The following PCLAF variants were observed in gnomAD, a reference collection of about 807,000 sequenced individuals.
The protein encoded by PCLAF is PCNA-associated factor.
In PCLAF, 12 loss-of-function variants were observed where a neutral mutation model predicts 15.1. The ratio of observed to expected loss-of-function variants is 0.79; its 90% confidence interval spans 0.51 to 1.29. The LOEUF (loss-of-function observed/expected upper bound fraction) is 1.29, where lower values mean the gene tolerates loss of function less well. Ranked by LOEUF, PCLAF falls within the 50% of genes most tolerant of loss-of-function variation. PCLAF has a pLI of 0.00. For synonymous variants in PCLAF, 33 were observed against 47.1 expected, an observed-to-expected ratio of 0.70 and a Z score of 1.22; for missense variants, 116 against 130.9, an observed-to-expected ratio of 0.89 and a Z score of 0.56.
chr15:64,376,288 A>C (rs1899600126), intron 3 of PCLAF, among the ~76,000 whole-genome samples: 1 of 152,120 alleles, frequency 6.6e-6, no homozygotes, highest in African/African-American at 2.4e-5. Flanking sequence ...GAAGTTTTTA[A>C]AAACTTTTTT....
chr15:64,376,114 A>G (rs1266052796), intron 3 of PCLAF, among the ~76,000 whole-genome samples: 7 of 152,120 alleles, frequency 4.6e-5, no homozygotes, highest in Non-Finnish European at 1.5e-5. Flanking sequence ...AATCCCAGCT[A>G]CTTGGGAGGC....
In PCLAF at chr15:64,365,297, C is replaced by A. The variant is rs6494476; in HGVS notation, c.*733G>T. 1.3e-5 allele frequency: 2 copies of A among 152,398 alleles called. No individual in the cohort carries two copies. The highest frequency in any genetic ancestry group is 2.1e-4 in the South Asian group (1 of 4,834). The allele number at this position is 152,398 out of a possible 1,614,324, so 9.4% of individuals were successfully genotyped here. A position where few individuals can be genotyped will look rare whatever the true frequency, so the allele number is the denominator to read the frequency against. On this transcript the variant is annotated 3_prime_UTR_variant, in exon 4 of 4. Transcript: ENST00000300035. ...GATTACAGGCGTGAGCCACCGCACC[C>A]GGCTAAAAATTGTTTTAGAGATAGG... is the stretch of plus-strand genomic sequence containing the variant.
chr15:64,376,950 A>C, intron 2 of PCLAF, 45 bp from the exon 3 acceptor site: 1 of 1,492,952 alleles, frequency 6.7e-7, no homozygotes, highest in East Asian at 2.3e-5. Flanking sequence ...CTAATAATAC[A>C]ATCTCTATTC....
rs756014574 is a variant in PCLAF at position 64,366,113 on chromosome 15, T to C, written c.291-38A>G. On this transcript the variant is annotated intron_variant, in intron 3 of 3. Coordinates refer to ENST00000300035, the MANE Select transcript of PCLAF (RefSeq NM_014736.6). ...GAGAGAACATCAATAGCCATCCAAG[T>C]ATCAACTGTTTGAAAAAAATAGTTA... 15 of 1,537,878 alleles carry C rather than the reference T, an allele frequency of 9.8e-6. No homozygotes were observed. In the South Asian group the frequency reaches 1.2e-4, roughly 12 times the overall value.
In PCLAF at chr15:64,378,589, AC is replaced by A. The variant is rs113046469; in HGVS notation, c.128-1685del. Among the ~76,000 whole-genome samples the A allele has an allele frequency of 7.0e-3, 1,064 of 152,208 alleles. 12 individuals are homozygous for A. Among genetic ancestry groups the A allele is most frequent in the African/African-American group, 0.017 (717 of 41,534 alleles). ...TTTGGTTCACAGTTTTCCCAAAGGA[AC>A]CTTACAGGAATGCTTTTACTACTAG... On this transcript the variant is annotated intron_variant, in intron 2 of 3. Coordinates refer to ENST00000300035, the MANE Select transcript of PCLAF (RefSeq NM_014736.6).
At chr15:64,383,322 T>C (rs766385449), upstream of PCLAF, among the ~76,000 whole-genome samples, 1 of 152,046 alleles carries the variant, frequency 6.6e-6, no homozygotes, top group Non-Finnish European at 1.5e-5. Flanking sequence ...TTCCTTTGTT[T>C]TTTGTCCTCA....
Position 64,364,993 on chromosome 15 carries a change from A to ATTTTTTTTTTTTTTTT in PCLAF, c.*1021_*1036dup. On this transcript the variant is annotated 3_prime_UTR_variant, in exon 4 of 4. Coordinates refer to ENST00000300035, the MANE Select transcript of PCLAF (RefSeq NM_014736.6). ...GCCACTGCACTCAGCCTTTTTTAAAATTTTTTTTTTTTTTTTTTTTGAGAC... is the reference window on the plus strand; with the variant it reads ...GCCACTGCACTCAGCCTTTTTTAAAATTTTTTTTTTTTTTTTTTTTTTTTTTTTTTTTTTTTGAGAC... 1 of 117,282 alleles carries ATTTTTTTTTTTTTTTT rather than the reference A, an allele frequency of 8.5e-6. No homozygotes were observed. Among genetic ancestry groups the ATTTTTTTTTTTTTTTT allele is most frequent in the Non-Finnish European group, 1.7e-5 (1 of 60,088 alleles). 7.3% of individuals were successfully genotyped at this position (117,282 alleles called of 1,614,324 possible).
At chr15:64,384,012 C>A (rs1313296843), upstream of PCLAF, among the ~76,000 whole-genome samples, 1 of 151,340 alleles carries the variant, frequency 6.6e-6, no homozygotes, top group Non-Finnish European at 1.5e-5. Context: ...AGCAATTAAA[C>A]ACAATTTTTA....
chr15:64,365,155 A>C lies in PCLAF; in HGVS notation c.*875T>G, dbSNP rs1256532660. The C allele has an allele frequency of 6.6e-6, 1 of 151,802 alleles. No individual in the cohort carries two copies. Among genetic ancestry groups the C allele is most frequent in the Non-Finnish European group, 1.5e-5 (1 of 67,972 alleles). The allele number at this position is 151,802 out of a possible 1,614,324, so 9.4% of individuals were successfully genotyped here. Reference sequence around the variant, plus strand: ...GTAGCTGGGACTACAGGCGCCCGCCACCGCGCCCGGCTAATTTTTTGTATT... The same window carrying C: ...GTAGCTGGGACTACAGGCGCCCGCCCCCGCGCCCGGCTAATTTTTTGTATT... On this transcript the variant is annotated 3_prime_UTR_variant, in exon 4 of 4. Coordinates refer to ENST00000300035, the MANE Select transcript of PCLAF (RefSeq NM_014736.6).
At chr15:64,378,445 T>C (rs975738536) in intron 2 of PCLAF, among the ~76,000 whole-genome samples, 1 of 152,158 alleles carries the variant, frequency 6.6e-6, no homozygotes, top group Non-Finnish European at 1.5e-5. Flanking sequence ...TTATTTACAT[T>C]TATAAAAATA....
intron 1 of PCLAF, among the ~76,000 whole-genome samples, chr15:64,386,902 A>G (rs1899953899): frequency 6.6e-6 from 1 of 152,190 alleles, no homozygotes; most frequent in African/African-American, 2.4e-5. Flanking sequence ...GAATGGGAAG[A>G]CATTATGATC....
intron 2 of PCLAF, 149 bp from the exon 3 acceptor site, chr15:64,377,054 G>T: frequency 3.2e-6 from 2 of 633,736 alleles, no homozygotes; most frequent in South Asian, 2.8e-5. Context: ...TAGAAAATGT[G>T]ACACAATAAA....
At chr15:64,377,029 T>C (rs752489526) in intron 2 of PCLAF, 124 bp from the exon 3 acceptor site, 4 of 725,066 alleles carry the variant, frequency 5.5e-6, no homozygotes, top group Non-Finnish European at 8.7e-6. Context: ...ATTTAAGATA[T>C]ACAACTTAAA....
Position 64,376,843 on chromosome 15 carries a change from C to G in PCLAF, c.190G>C (p.Gly64Arg), listed in dbSNP as rs367901741. The change falls in exon 3 of 4, where the codon GGA (glycine) becomes CGA (arginine). Residue 64 changes from glycine to arginine, a missense_variant. Physicochemically the swap from Gly to Arg is moderately radical, Grantham distance 125. Coordinates refer to ENST00000300035, the MANE Select transcript of PCLAF (RefSeq NM_014736.6). Reference sequence around the variant, plus strand: ...GACAACCTAAAGAATTCTCCAATTCCTTTTTGCCACTTGGGAGTTGGGCGC... The same window carrying G: ...GACAACCTAAAGAATTCTCCAATTCGTTTTTGCCACTTGGGAGTTGGGCGC... ...CVRPTPKWQKGIGEFFRLSPK... is the reference protein window; with the variant it reads ...CVRPTPKWQKRIGEFFRLSPK... 3 of 1,613,700 alleles carry G rather than the reference C, an allele frequency of 1.9e-6. No individual in the cohort carries two copies. The African/African-American group carries it at 4.0e-5, about 22-fold the overall frequency.
chr15:64,381,275 G>T, intron 1 of PCLAF, 51 bp downstream of exon 1: 1 of 1,605,412 alleles, frequency 6.2e-7, no homozygotes, highest in East Asian at 2.2e-5. Flanking sequence ...CCCGTGGCCA[G>T]GCTGCCGGGA....
chr15:64,377,747 GTTTTTTTTTTT>G (rs34009261), intron 2 of PCLAF, among the ~76,000 whole-genome samples: 2 of 30,072 alleles, frequency 6.7e-5, no homozygotes, highest in Non-Finnish European at 1.3e-4. Flanking sequence ...AATTCCTGGT[GTTTTTTTTTTT>G]TTTTTTTTTT....
intron 3 of PCLAF, among the ~76,000 whole-genome samples, chr15:64,369,619 C>T (rs542761887): frequency 1.1e-4 from 17 of 152,024 alleles, no homozygotes; most frequent in African/African-American, 3.6e-4. Flanking sequence ...GCAGTGATCT[C>T]GGCTCACTGC....
upstream of PCLAF, among the ~76,000 whole-genome samples, chr15:64,383,371 G>GTT (rs763173670): frequency 1.5e-4 from 22 of 142,080 alleles, no homozygotes; most frequent in Middle Eastern, 3.6e-3. Flanking sequence ...TTGTGTGTGT[G>GTT]TTTTTTTTTT....
intron 3 of PCLAF, 86 bp from the exon 4 acceptor site, chr15:64,366,161 A>T (rs1899021454): frequency 3.1e-6 from 3 of 958,742 alleles, no homozygotes; most frequent in African/African-American, 3.3e-5. Context: ...AATCAGGAAC[A>T]TTAATTAACA....
Sources: allele counts gnomAD v4.1 joint callset (sites outside exome capture counted in the v4.1 genomes callset), GRCh38; gene constraint gnomAD v4.1.1; transcripts MANE v1.5; gene names NCBI Gene and HGNC (gene_info 2026-07-23, HGNC 2026-07-21).